The following COX19 variants were observed in gnomAD, a reference collection of about 807,000 sequenced individuals.
COX19 encodes cytochrome c oxidase assembly protein COX19.
A neutral mutation model predicts 6.8 loss-of-function variants in COX19; 8 were observed. That is an observed-to-expected ratio of 1.18 (90% CI 0.69 to 2.12). The LOEUF (loss-of-function observed/expected upper bound fraction) is 2.12, where lower values mean the gene tolerates loss of function less well. COX19 is among the 30% of genes most tolerant of loss of function. The pLI is 0.00. For missense variants in COX19, 131 were observed against 104.6 expected, an observed-to-expected ratio of 1.25 and a Z score of -1.10; for synonymous variants, 51 against 38.0, an observed-to-expected ratio of 1.34 and a Z score of -1.26.
At chr7:971,707 TAA>T (rs1847637878) in intron 2 of COX19, among the ~76,000 whole-genome samples, 1 of 151,858 alleles carries the variant, frequency 6.6e-6, no homozygotes, top group African/African-American at 2.4e-5. Context: ...CCGTCTCTAC[TAA>T]AAATACAAAA....
chr7:972,356 C>G (rs183719296), intron 2 of COX19, among the ~76,000 whole-genome samples: 2 of 152,150 alleles, frequency 1.3e-5, no homozygotes, highest in African/African-American at 4.8e-5. Flanking sequence ...ACACGAATAA[C>G]CCCGAACACA....
At chr7:973,092 A>G (rs1847657021) in intron 2 of COX19, 89 bp downstream of exon 2, 2 of 807,098 alleles carry the variant, frequency 2.5e-6, no homozygotes, top group East Asian at 6.0e-5. Flanking sequence ...CCAGGCCTGA[A>G]AAAGACACAC....
chr7:971,779 G>A (rs986538080), intron 2 of COX19, among the ~76,000 whole-genome samples: 2 of 152,232 alleles, frequency 1.3e-5, no homozygotes, highest in African/African-American at 4.8e-5. Flanking sequence ...GCTGAGGTGG[G>A]AGAATGGGGT....
rs760322069 is a variant in COX19, at chr7:975,440, G to C, written c.70C>G (p.Leu24Val). The C allele has an allele frequency of 1.9e-6, 3 of 1,597,388 alleles. No homozygotes were observed. Among genetic ancestry groups the C allele is most frequent in the Admixed American group, 1.7e-5 (1 of 58,676 alleles). The change falls in exon 1 of 3, where the codon CTG becomes GTG. Residue 24 changes from leucine (L) to valine (V), a missense_variant. By Grantham distance (32) the Leu-to-Val change is conservative. Coordinates refer to ENST00000344111, the MANE Select transcript of COX19 (RefSeq NM_001031617.3). The part of the protein sequence containing the change: ...PRPPDKGSFP[L>V]DHLGECKSFK... ...TTCCGCCGCTCACCTAAGTGATCCAGCGGGAAGCTGCCCTTGTCCGGGGGC... is the reference window on the plus strand; with the variant it reads ...TTCCGCCGCTCACCTAAGTGATCCACCGGGAAGCTGCCCTTGTCCGGGGGC...
rs1252107855 is a variant in COX19 at position 975,487 on chromosome 7, C to G, written c.23G>C (p.Gly8Ala). The G allele has an allele frequency of 1.2e-6, 2 of 1,603,484 alleles. No individual in the cohort carries two copies. Among genetic ancestry groups the G allele is most frequent in the Non-Finnish European group, 1.7e-6 (2 of 1,176,378 alleles). The stretch of plus-strand genomic sequence containing the variant: ...GGGCCGCGGCTGGAAGCTCTTGGTC[C>G]CGAAATTCATGGCGGTCGACATGTT... MSTAMNFGTKSFQPRPPD... is the reference protein window; with the variant it reads MSTAMNFATKSFQPRPPD... Residue 8 changes from glycine (G) to alanine (A), a missense_variant, in exon 1 of 3, where the codon GGG (glycine) becomes GCG (alanine). Transcript: ENST00000344111.
At position 965,237 on chromosome 7, in the gene COX19, AT is replaced by A. The variant is rs199837078; in HGVS notation, c.*4140del. Among the ~76,000 whole-genome samples, 1,991 of 151,912 alleles carry A rather than the reference AT, an allele frequency of 0.013. 50 individuals carry two copies. The highest frequency in any genetic ancestry group is 0.045 in the African/African-American group (1,856 of 41,408). On this transcript the variant is annotated 3_prime_UTR_variant, in exon 3 of 3. Transcript: ENST00000344111. ...TCCACTATAGTTTCATACAAAGCAT[AT>A]TTTTTTTTCCTCATTTCAAAATAAT...
intron 2 of COX19, among the ~76,000 whole-genome samples, chr7:972,322 T>C (rs562365444): frequency 1.6e-4 from 24 of 152,262 alleles, no homozygotes; most frequent in Middle Eastern, 3.4e-3. Flanking sequence ...AGAAGGCCCA[T>C]CATCCTTACG....
intron 1 of COX19, among the ~76,000 whole-genome samples, chr7:973,891 AG>A: frequency 6.6e-6 from 1 of 151,738 alleles, no homozygotes; most frequent in African/African-American, 2.4e-5. Context: ...GCTTGAACCC[AG>A]GAAGCGGAGG....
rs1238085950 is a variant in COX19 at position 975,516 on chromosome 7, G to T, written c.-7C>A. ...AATTCATGGCGGTCGACATGTTGGCGACTCCGGAGTCTGCGAGCGCCTTGC... is the reference window on the plus strand; with the variant it reads ...AATTCATGGCGGTCGACATGTTGGCTACTCCGGAGTCTGCGAGCGCCTTGC... On this transcript the variant is annotated 5_prime_UTR_variant, in exon 1 of 3. Transcript: ENST00000344111. 5.0e-6 allele frequency: 8 copies of T among 1,599,846 alleles called. No homozygotes were observed. The highest frequency in any genetic ancestry group is 1.1e-5 in the South Asian group (1 of 89,320).
At chr7:971,531 T>C (rs1317949503) in intron 2 of COX19, among the ~76,000 whole-genome samples, 4 of 151,516 alleles carry the variant, frequency 2.6e-5, no homozygotes, top group Non-Finnish European at 5.9e-5. Flanking sequence ...ACTGACCTTA[T>C]AGAAAGAGCA....
intron 2 of COX19, among the ~76,000 whole-genome samples, chr7:971,240 G>A (rs1305989726): frequency 3.9e-5 from 6 of 152,188 alleles, no homozygotes; most frequent in African/African-American, 1.2e-4. Flanking sequence ...CTCAGACCAC[G>A]GTGGTCATCT....
chr7:973,299 C>A lies in COX19; in HGVS notation c.83-7G>T. ...TTAAAGCTTTTACATTCACCTAGAACGAGAAAGAAAACAGCATGTTCTTTT... is the reference window on the plus strand; with the variant it reads ...TTAAAGCTTTTACATTCACCTAGAAAGAGAAAGAAAACAGCATGTTCTTTT... On this transcript the variant is annotated splice_polypyrimidine_tract_variant and splice_region_variant and intron_variant, in intron 1 of 2. Transcript: ENST00000344111. 6.3e-7 allele frequency: 1 copy of A among 1,578,112 alleles called. No homozygotes were observed. Among genetic ancestry groups the A allele is most frequent in the South Asian group, 1.2e-5 (1 of 85,374 alleles).
chr7:970,289 C>T (rs984792932), intron 2 of COX19, among the ~76,000 whole-genome samples: 2 of 151,930 alleles, frequency 1.3e-5, no homozygotes, highest in Admixed American at 6.6e-5. Context: ...TGCACATCAC[C>T]ACGCCCGGCT....
At chr7:969,956 ATTTTTTTTTTT>A (rs58481554) in intron 2 of COX19, among the ~76,000 whole-genome samples, 7 of 117,560 alleles carry the variant, frequency 6.0e-5, no homozygotes, top group Non-Finnish European at 3.4e-5. Flanking sequence ...GTTATCTGAT[ATTTTTTTTTTT>A]TTTTTTTTTT....
chr7:970,677 T>A (rs905558444), intron 2 of COX19, among the ~76,000 whole-genome samples: 5 of 152,224 alleles, frequency 3.3e-5, no homozygotes, highest in African/African-American at 1.2e-4. Context: ...TCAAGTGATC[T>A]GCCCACCTCA....
At chr7:973,137 T>G in intron 2 of COX19, 44 bp downstream of exon 2, 2 of 1,350,628 alleles carry the variant, frequency 1.5e-6, no homozygotes, top group Non-Finnish European at 2.0e-6. Context: ...AAGTTTTAAT[T>G]GGAGTAGTGG....
chr7:970,900 G>A (rs1225247136), intron 2 of COX19, among the ~76,000 whole-genome samples: 2 of 152,110 alleles, frequency 1.3e-5, no homozygotes, highest in Non-Finnish European at 2.9e-5. Context: ...GCTGTTTATC[G>A]CAGTGCAGCC....
chr7:975,479 T>C lies in COX19; in HGVS notation c.31A>G (p.Ser11Gly), dbSNP rs768787562. 2 of 1,602,880 alleles carry C rather than the reference T, an allele frequency of 1.2e-6. No homozygotes were observed. Among genetic ancestry groups the C allele is most frequent in the South Asian group, 1.1e-5 (1 of 89,534 alleles). The change falls in exon 1 of 3, where the codon AGC (serine) becomes GGC (glycine). Residue 11 changes from serine (S) to glycine (G), a missense_variant. Ser to Gly is a moderately conservative substitution (Grantham distance 56). Coordinates refer to ENST00000344111, the MANE Select transcript of COX19 (RefSeq NM_001031617.3). ...TTGTCCGGGGGCCGCGGCTGGAAGC[T>C]CTTGGTCCCGAAATTCATGGCGGTC... MSTAMNFGTK[S>G]FQPRPPDKGS...
At chr7:969,640 C>T (rs1847608073) in intron 2 of COX19, among the ~76,000 whole-genome samples, 184 bp from the exon 3 acceptor site, 1 of 152,146 alleles carries the variant, frequency 6.6e-6, no homozygotes, top group African/African-American at 2.4e-5. Flanking sequence ...GTCAACAGGA[C>T]AATGAGGACA....
Sources: gnomAD v4.1 joint callset for allele counts (sites outside exome capture counted in the v4.1 genomes callset) on GRCh38, gnomAD v4.1.1 for gene constraint, MANE v1.5 for transcripts, NCBI Gene and HGNC (gene_info 2026-07-23, HGNC 2026-07-21) for gene names.